Variants in MTCL2 observed in about 807,000 individuals in gnomAD.
MTCL2 encodes the protein microtubule cross-linking factor 2.
the MTCL2 span, among the ~76,000 whole-genome samples, chr20:36,831,586 A>C: frequency 6.6e-6 from 1 of 152,128 alleles, no homozygotes; most frequent in Non-Finnish European, 1.5e-5. Flanking sequence ...GCAGGCCAGG[A>C]AAAACAACGA....
chr20:36,815,094 AAAT>A, the MTCL2 span: 2 of 1,518,756 alleles, frequency 1.3e-6, no homozygotes, highest in Non-Finnish European at 1.8e-6. The surrounding 1 kb of genome is among the most constrained non-coding windows in gnomAD (Gnocchi z 5.3). Flanking sequence ...GGAAAAAAAT[AAAT>A]AATAGGATCT....
At chr20:36,784,442 G>A in the MTCL2 span, 1 of 985,614 alleles carries the variant, frequency 1.0e-6, no homozygotes, top group Non-Finnish European at 1.2e-6. Flanking sequence ...CAGGTGGGAG[G>A]TGGGAGTGCA....
the MTCL2 span, among the ~76,000 whole-genome samples, chr20:36,813,776 A>AC: frequency 1.4e-5 from 2 of 144,278 alleles, no homozygotes; most frequent in East Asian, 4.2e-4. Flanking sequence ...AAAAAAAAAA[A>AC]GATAAAAGAA....
chr20:36,797,052 A>C, the MTCL2 span: 1 of 1,028,312 alleles, frequency 9.7e-7, no homozygotes, highest in Non-Finnish European at 1.5e-6. Context: ...GAATCTCCTC[A>C]TCCGGAGAGC....
At chr20:36,777,579 T>C in the MTCL2 span, 5 of 430,984 alleles carry the variant, frequency 1.2e-5, no homozygotes, top group Non-Finnish European at 2.1e-5. Flanking sequence ...GCAGTTGTCC[T>C]AGCACCCGAT....
At chr20:36,790,120 T>C in the MTCL2 span, among the ~76,000 whole-genome samples, 2 of 150,904 alleles carry the variant, frequency 1.3e-5, no homozygotes, top group Non-Finnish European at 2.9e-5. Flanking sequence ...GCTTCCCGAG[T>C]AGCTGGGACT....
the MTCL2 span, among the ~76,000 whole-genome samples, chr20:36,808,251 G>C: frequency 6.6e-6 from 1 of 151,732 alleles, no homozygotes; most frequent in African/African-American, 2.4e-5. Context: ...AGCTACTCGG[G>C]AGGCTGAGGC....
chr20:36,840,308 G>A, the MTCL2 span, among the ~76,000 whole-genome samples: 3 of 150,906 alleles, frequency 2.0e-5, no homozygotes, highest in East Asian at 5.9e-4. Flanking sequence ...GGGACTACAG[G>A]CACCCGCCAC....
the MTCL2 span, among the ~76,000 whole-genome samples, chr20:36,851,311 G>C: frequency 2.0e-4 from 31 of 152,020 alleles, no homozygotes; most frequent in Non-Finnish European, 3.7e-4. Flanking sequence ...ACCCCAAAAA[G>C]CAAAAAGCAA....
At chr20:36,818,784 A>T in the MTCL2 span, among the ~76,000 whole-genome samples, 10 of 152,244 alleles carry the variant, frequency 6.6e-5, no homozygotes, top group Non-Finnish European at 1.5e-4. Flanking sequence ...AATGTACAAC[A>T]CCAACAAAGG....
the MTCL2 span, among the ~76,000 whole-genome samples, chr20:36,829,747 C>T: frequency 6.6e-6 from 1 of 152,050 alleles, no homozygotes; most frequent in Admixed American, 6.6e-5. Context: ...CCTGTAATCC[C>T]AGCACTTTGG....
At chr20:36,800,238 C>G in the MTCL2 span, among the ~76,000 whole-genome samples, 1 of 152,150 alleles carries the variant, frequency 6.6e-6, no homozygotes, top group South Asian at 2.1e-4. Context: ...GACATGTTCC[C>G]CAGGGATGAC....
At chr20:36,784,344 A>G in the MTCL2 span, 2 of 985,802 alleles carry the variant, frequency 2.0e-6, no homozygotes, top group South Asian at 9.4e-5. Context: ...GACTGGCATG[A>G]CCCTGGTGTT....
chr20:36,784,144 G>T, the MTCL2 span: 1 of 985,656 alleles, frequency 1.0e-6, no homozygotes, highest in Non-Finnish European at 1.2e-6. Context: ...CTGTCGCTCT[G>T]GGAGGTGGCA....
chr20:36,828,966 G>A, the MTCL2 span: 8 of 1,388,392 alleles, frequency 5.8e-6, no homozygotes, highest in Admixed American at 2.8e-5. Context: ...TTTCCCACAA[G>A]CGGGGGCTCA....
At chr20:36,811,924 C>G in the MTCL2 span, among the ~76,000 whole-genome samples, 1 of 152,232 alleles carries the variant, frequency 6.6e-6, no homozygotes, top group Non-Finnish European at 1.5e-5. Flanking sequence ...GAGCCTTTTC[C>G]TGCTTCAGGC....
chr20:36,856,890 T>A, the MTCL2 span, among the ~76,000 whole-genome samples: 1 of 152,108 alleles, frequency 6.6e-6, no homozygotes, highest in Admixed American at 6.5e-5. Context: ...GTGTCTAGGT[T>A]CCCTGGTTTG....
At chr20:36,845,602 G>A in the MTCL2 span, among the ~76,000 whole-genome samples, 1 of 152,258 alleles carries the variant, frequency 6.6e-6, no homozygotes, top group Non-Finnish European at 1.5e-5. Flanking sequence ...ACGTGGGCGG[G>A]AGAGGCTGGC....
At chr20:36,844,210 T>C in the MTCL2 span, among the ~76,000 whole-genome samples, 1 of 151,580 alleles carries the variant, frequency 6.6e-6, no homozygotes, top group Non-Finnish European at 1.5e-5. Context: ...CACTCCAGCC[T>C]GGGTAACAGA....
Sources: allele counts gnomAD v4.1 joint callset (sites outside exome capture counted in the v4.1 genomes callset), GRCh38; gene constraint gnomAD v4.1.1; non-coding constraint Gnocchi (gnomAD v3.1); transcripts MANE v1.5; gene names NCBI Gene and HGNC (gene_info 2026-07-23, HGNC 2026-07-21).